VWA8: variants seen among roughly 807,000 people sequenced by gnomAD.
VWA8 encodes von Willebrand factor A domain-containing protein 8.
A neutral mutation model predicts 241.5 loss-of-function variants in VWA8; 221 were observed. The ratio of observed to expected loss-of-function variants is 0.91; its 90% CI spans 0.82 to 1.02. VWA8 has a LOEUF of 1.02. Ranked by LOEUF, VWA8 falls within the 50% of genes least tolerant of loss-of-function variation. VWA8 has a pLI of 0.00. For missense variants in VWA8, 2,322 were observed against 2,328.7 expected (o/e 1.00, Z 0.06); for synonymous variants, 852 against 827.1 (o/e 1.03, Z -0.52).
At chr13:41,624,794 TC>T (rs1375304528) in intron 37 of VWA8, among the ~76,000 whole-genome samples, 1 of 152,040 alleles carries the variant, frequency 6.6e-6, no homozygotes, top group Non-Finnish European at 1.5e-5. Context: ...TTACTCCCAT[TC>T]CACGCGGCAC....
intron 21 of VWA8, among the ~76,000 whole-genome samples, chr13:41,758,826 T>G (rs983855267): frequency 1.3e-5 from 2 of 151,424 alleles, no homozygotes; most frequent in Admixed American, 1.3e-4. Flanking sequence ...TGCCTCTTGA[T>G]TGAGGAAGTT....
At chr13:41,631,929 G>A (rs552252639) in intron 37 of VWA8, among the ~76,000 whole-genome samples, 5 of 152,134 alleles carry the variant, frequency 3.3e-5, no homozygotes, top group Admixed American at 1.3e-4. Context: ...AAGAACAACC[G>A]CTAATTAGAT....
intron 9 of VWA8, among the ~76,000 whole-genome samples, chr13:41,882,847 T>C (rs1874329241): frequency 7.3e-6 from 1 of 137,834 alleles, no homozygotes; most frequent in Non-Finnish European, 1.6e-5. Context: ...GGGAGAGCAA[T>C]CCTATTTTTT....
At chr13:41,868,661 G>A (rs555699188) in intron 9 of VWA8, among the ~76,000 whole-genome samples, 184 bp from the exon 10 acceptor site, 24 of 152,036 alleles carry the variant, frequency 1.6e-4, no homozygotes, top group South Asian at 4.2e-4. Context: ...CAAGGCGGGC[G>A]GATCAGAGGG....
intron 40 of VWA8, among the ~76,000 whole-genome samples, chr13:41,592,287 A>AG (rs1437200892): frequency 2.5e-5 from 3 of 117,892 alleles, no homozygotes; most frequent in Non-Finnish European, 4.9e-5. Context: ...GGACACAGGA[A>AG]GGGGAACATC....
intron 12 of VWA8, among the ~76,000 whole-genome samples, chr13:41,848,847 G>C (rs11147862): frequency 0.13 from 20,394 of 152,188 alleles, 1,491 homozygotes; most frequent in East Asian, 0.18. Context: ...ACCTAAATCT[G>C]GGAGAGCTTA....
intron 12 of VWA8, among the ~76,000 whole-genome samples, chr13:41,854,115 G>A (rs1165875282): frequency 6.6e-6 from 1 of 152,074 alleles, no homozygotes; most frequent in Non-Finnish European, 1.5e-5. Context: ...TTGTTAGCTT[G>A]TGGCTTAAAG....
At chr13:41,671,181 C>T in intron 36 of VWA8, 34 bp from the exon 37 acceptor site, 1 of 1,609,312 alleles carries the variant, frequency 6.2e-7, no homozygotes, top group Non-Finnish European at 8.5e-7. Context: ...GCTAAGAGAC[C>T]ACAAAAATAA....
At chr13:41,838,316 G>C (rs1871836998) in intron 12 of VWA8, among the ~76,000 whole-genome samples, 1 of 152,036 alleles carries the variant, frequency 6.6e-6, no homozygotes, top group Middle Eastern at 3.5e-3. Flanking sequence ...ATTTTTCCAA[G>C]GCATAATGTC....
chr13:41,872,544 C>T (rs1873682093), intron 9 of VWA8, among the ~76,000 whole-genome samples: 2 of 152,158 alleles, frequency 1.3e-5, no homozygotes, highest in African/African-American at 4.8e-5. Context: ...GTTTTCCCAG[C>T]ACCATTTATT....
intron 37 of VWA8, among the ~76,000 whole-genome samples, chr13:41,621,215 TA>T (rs1414359413): frequency 6.6e-6 from 1 of 152,240 alleles, no homozygotes; most frequent in African/African-American, 2.4e-5. Flanking sequence ...AACACTTTAT[TA>T]TAAAATAGGC....
chr13:41,865,190 A>G (rs1487106047), intron 12 of VWA8: 1 of 208,264 alleles, frequency 4.8e-6, no homozygotes, highest in Admixed American at 5.9e-5. Flanking sequence ...TTTGTAATTG[A>G]CACATAATAT....
At chr13:41,603,184 T>C (rs1472194483) in intron 40 of VWA8, among the ~76,000 whole-genome samples, 1 of 152,158 alleles carries the variant, frequency 6.6e-6, no homozygotes, top group Non-Finnish European at 1.5e-5. Flanking sequence ...TGCTTTTACC[T>C]GAGACCTTCA....
At chr13:41,624,715 T>C (rs1422353562) in intron 37 of VWA8, among the ~76,000 whole-genome samples, 2 of 152,174 alleles carry the variant, frequency 1.3e-5, no homozygotes, top group Non-Finnish European at 1.5e-5. Flanking sequence ...ACAGCCAACA[T>C]CATACTGAAT....
At chr13:41,636,896 A>AT (rs1439548430) in intron 37 of VWA8, among the ~76,000 whole-genome samples, 2 of 152,030 alleles carry the variant, frequency 1.3e-5, no homozygotes, top group Non-Finnish European at 2.9e-5. Context: ...AATGGCAATC[A>AT]TTAAAAAGTC....
intron 2 of VWA8, among the ~76,000 whole-genome samples, chr13:41,939,885 C>G (rs1183881708): frequency 1.3e-5 from 2 of 152,104 alleles, no homozygotes; most frequent in Non-Finnish European, 2.9e-5. Context: ...ATTCTCCGTG[C>G]TCTAAACAAT....
At chr13:41,640,640 A>G (rs1187382544) in intron 37 of VWA8, among the ~76,000 whole-genome samples, 1 of 152,216 alleles carries the variant, frequency 6.6e-6, no homozygotes, top group East Asian at 1.9e-4. Flanking sequence ...ATTTTAAAAC[A>G]CACTAAAAAG....
At chr13:41,703,537 A>G (rs2045263919) in intron 26 of VWA8, 126 bp from the exon 27 acceptor site, 1 of 719,342 alleles carries the variant, frequency 1.4e-6, no homozygotes, top group South Asian at 1.9e-5. Flanking sequence ...AGTGAGTTAT[A>G]CATCATTTTA....
chr13:41,956,693 C>A (rs1156849997), intron 1 of VWA8, among the ~76,000 whole-genome samples: 2 of 151,898 alleles, frequency 1.3e-5, no homozygotes, highest in Non-Finnish European at 2.9e-5. Flanking sequence ...TATTGTAGCC[C>A]AAGGATATAA....
Sources: allele counts gnomAD v4.1 joint callset (sites outside exome capture counted in the v4.1 genomes callset), GRCh38; gene constraint gnomAD v4.1.1; transcripts MANE v1.5; gene names NCBI Gene and HGNC (gene_info 2026-07-23, HGNC 2026-07-21).